ARL8A: variants seen among roughly 807,000 people sequenced by gnomAD.
ARL8A encodes the protein ADP-ribosylation factor-like protein 8A.
In ARL8A, 10 loss-of-function variants were observed where a neutral mutation model predicts 31.2. The ratio of observed to expected loss-of-function variants is 0.32; its 90% CI spans 0.20 to 0.54. The LOEUF (loss-of-function observed/expected upper bound fraction) is 0.54. ARL8A is among the 20% of genes least tolerant of loss of function. The pLI is 0.93. For synonymous variants in ARL8A, 70 were observed against 86.9 expected (o/e 0.81, Z 1.08); for missense variants, 129 against 242.8 (o/e 0.53, Z 3.12).
chr1:202,135,359 A>C lies in ARL8A; in HGVS notation c.440+100T>G. On this transcript the variant is annotated intron_variant, in intron 5 of 6. Coordinates refer to ENST00000272217, the MANE Select transcript of ARL8A (RefSeq NM_138795.4). This position sits in a 1 kb window ranked among gnomAD's most constrained non-coding sequence, Gnocchi z 5.3. ...GCCTGAAAAGGTCGGCTCTGCTGCC[A>C]CCGTGTGGCTAATACTAAGAACAGC... 1 of 1,510,384 alleles carries C rather than the reference A, an allele frequency of 6.6e-7. No homozygotes were observed. The highest frequency in any genetic ancestry group is 9.2e-7 in the Non-Finnish European group (1 of 1,086,524). The allele number at this position is 1,510,384 out of a possible 1,614,324, so 93.6% of individuals were successfully genotyped here. A position where few individuals can be genotyped will look rare whatever the true frequency, so the allele number is the denominator to read the frequency against.
At chr1:202,137,924 C>T (rs751142909) in intron 3 of ARL8A, 41 bp downstream of exon 3, 17 of 1,609,942 alleles carry the variant, frequency 1.1e-5, no homozygotes, top group East Asian at 4.5e-5. Flanking sequence ...CTAGGGGGGC[C>T]GGGTAAGGCT....
rs1341835517 is a variant in ARL8A at position 202,135,445 on chromosome 1, G to A, written c.440+14C>T. On this transcript the variant is annotated intron_variant, in intron 5 of 6. Coordinates refer to ENST00000272217, the MANE Select transcript of ARL8A (RefSeq NM_138795.4). The surrounding 1 kb of genome is among the most constrained non-coding windows in gnomAD (Gnocchi z 5.3). ...TTGGGAGAGCAGAAAGTAATATAGA[G>A]TCACCCAACTCACATTTTCTCAATC... The A allele has an allele frequency of 3.1e-6, 5 of 1,612,992 alleles. No homozygotes were observed. The highest frequency in any genetic ancestry group is 2.5e-6 in the Non-Finnish European group (3 of 1,179,104).
chr1:202,144,511 A>G lies in ARL8A; in HGVS notation c.62T>C (p.Met21Thr). The G allele has an allele frequency of 1.3e-6, 2 of 1,485,414 alleles. No individual in the cohort carries two copies. Among genetic ancestry groups the G allele is most frequent in the Non-Finnish European group, 9.1e-7 (1 of 1,100,178 alleles). 92.0% of individuals were successfully genotyped at this position (1,485,414 alleles called of 1,614,324 possible). A position where few individuals can be genotyped will look rare whatever the true frequency, so the allele number is the denominator to read the frequency against. ...WFKALFWKEE[M>T]ELTLVGLQYS... ...CTGAAGCCCGACCAGCGTGAGCTCCATCTCCTCCTTCCAGAATAGGGCCTT... is the reference window on the plus strand; with the variant it reads ...CTGAAGCCCGACCAGCGTGAGCTCCGTCTCCTCCTTCCAGAATAGGGCCTT... The change falls in exon 1 of 7, where the codon ATG becomes ACG. Residue 21 changes from methionine to threonine, a missense_variant. Coordinates refer to ENST00000272217, the MANE Select transcript of ARL8A (RefSeq NM_138795.4). The surrounding 1 kb of genome is among the most constrained non-coding windows in gnomAD (Gnocchi z 5.2).
rs1654950401 is a variant in ARL8A, at chr1:202,134,491, T to C, written c.537A>G (p.Gln179=). Residue 179 remains glutamine (Q), a synonymous_variant, in exon 7 of 7, where the codon CAA becomes CAG. Coordinates refer to ENST00000272217, the MANE Select transcript of ARL8A (RefSeq NM_138795.4). This position sits in a 1 kb window ranked among gnomAD's most constrained non-coding sequence, Gnocchi z 4.2. The part of the protein sequence containing the change: ...NIDITLQWLI[Q]HSKSRRS ...CTCAGCTTCTCCGTGACTTCGAGTG[T>C]TGAATAAGCCACTGTAGGGTGATGT... The C allele has an allele frequency of 1.2e-6, 2 of 1,613,388 alleles. No individual in the cohort carries two copies. The highest frequency in any genetic ancestry group is 1.3e-5 in the African/African-American group (1 of 74,812).
chr1:202,142,069 T>C (rs1310649157), intron 1 of ARL8A, among the ~76,000 whole-genome samples: 1 of 152,324 alleles, frequency 6.6e-6, no homozygotes, highest in East Asian at 1.9e-4. Context: ...GGTTTCACCA[T>C]GTTGGCCAGG....
rs760370300 is a variant in ARL8A, at chr1:202,138,152, C to G, written c.205-114G>C. ...TACTCTCCTCTGCCTCCCCGGCTTC[C>G]TCTCCAGTTCTCCCCCGTCTCCACC... On this transcript the variant is annotated intron_variant, in intron 2 of 6. Transcript: ENST00000272217. This position sits in a 1 kb window ranked among gnomAD's most constrained non-coding sequence, Gnocchi z 4.4. 7.1e-6 allele frequency: 9 copies of G among 1,268,944 alleles called. No individual in the cohort carries two copies. The Admixed American group carries it at 9.5e-5, about 13-fold the overall frequency. The allele number at this position is 1,268,944 out of a possible 1,614,324, so 78.6% of individuals were successfully genotyped here. A position where few individuals can be genotyped will look rare whatever the true frequency, so the allele number is the denominator to read the frequency against.
At position 202,135,317 on chromosome 1, in the gene ARL8A, A is replaced by G. The variant is rs1405575932; in HGVS notation, c.441-97T>C. ...GCCTTTTTCTTACCTAAGAGGCTAC[A>G]AAGGGGAGGGTGAGGTGCCTGAAAA... is the stretch of plus-strand genomic sequence containing the variant. On this transcript the variant is annotated intron_variant, in intron 5 of 6. Coordinates refer to ENST00000272217, the MANE Select transcript of ARL8A (RefSeq NM_138795.4). This position sits in a 1 kb window ranked among gnomAD's most constrained non-coding sequence, Gnocchi z 5.3. 2.7e-6 allele frequency: 4 copies of G among 1,463,714 alleles called. No homozygotes were observed. Among genetic ancestry groups the G allele is most frequent in the African/African-American group, 2.8e-5 (2 of 71,474 alleles). The allele number at this position is 1,463,714 out of a possible 1,614,324, so 90.7% of individuals were successfully genotyped here.
intron 1 of ARL8A, among the ~76,000 whole-genome samples, chr1:202,143,016 A>G (rs1405878914): frequency 1.3e-5 from 2 of 152,038 alleles, no homozygotes; most frequent in Admixed American, 6.5e-5. Flanking sequence ...AAGTTTAACC[A>G]GAGGGTCTCT....
At chr1:202,139,912 C>T (rs138498127) in intron 1 of ARL8A, among the ~76,000 whole-genome samples, 1,846 of 151,842 alleles carry the variant, frequency 0.012, 38 homozygotes, top group African/African-American at 0.043. Context: ...CCTCCCAAAG[C>T]GCTGGGATTA....
At position 202,137,945 on chromosome 1, in the gene ARL8A, G is replaced by A. The variant is rs780513164; in HGVS notation, c.278+20C>T. 25 of 1,613,748 alleles carry A rather than the reference G, an allele frequency of 1.5e-5. No homozygotes were observed. The highest frequency in any genetic ancestry group is 6.7e-5 in the Admixed American group (4 of 60,000). On this transcript the variant is annotated intron_variant, in intron 3 of 6. Coordinates refer to ENST00000272217, the MANE Select transcript of ARL8A (RefSeq NM_138795.4). The stretch of plus-strand genomic sequence containing the variant: ...GGGCCGGGTAAGGCTGGAGTCTGGC[G>A]ATGCCTCCCGTGTACTTACACGATG...
chr1:202,140,086 T>C (rs976314113), intron 1 of ARL8A, among the ~76,000 whole-genome samples: 1 of 151,900 alleles, frequency 6.6e-6, no homozygotes, highest in African/African-American at 2.4e-5. Flanking sequence ...TGCCTCCATG[T>C]CCACATGAAG....
At chr1:202,137,885 C>T (rs915199323) in intron 3 of ARL8A, 80 bp downstream of exon 3, 13 of 1,463,238 alleles carry the variant, frequency 8.9e-6, no homozygotes, top group African/African-American at 1.4e-5. Context: ...TAAAACCCTG[C>T]GCCTCTGAGG....
At position 202,135,831 on chromosome 1, in the gene ARL8A, T is replaced by G; in HGVS notation, c.279-31A>C. The stretch of plus-strand genomic sequence containing the variant: ...GAAAGAGGCAGGGTGGGGACAAGCA[T>G]GTTGACACCACAGGCTGAGGTGGTG... On this transcript the variant is annotated intron_variant, in intron 3 of 6. Transcript: ENST00000272217. The surrounding 1 kb of genome is among the most constrained non-coding windows in gnomAD (Gnocchi z 5.3). 8.3e-6 allele frequency: 13 copies of G among 1,564,114 alleles called. No individual in the cohort carries two copies. The highest frequency in any genetic ancestry group is 1.1e-5 in the Non-Finnish European group (13 of 1,134,620).
At chr1:202,140,762 T>A (rs1655145538) in intron 1 of ARL8A, among the ~76,000 whole-genome samples, 1 of 152,164 alleles carries the variant, frequency 6.6e-6, no homozygotes, top group African/African-American at 2.4e-5. Flanking sequence ...GAGAATTAAG[T>A]GTGCTGTAAT....
rs761964043 is a variant in ARL8A, at chr1:202,137,969, T to C, written c.274A>G (p.Ile92Val). ...WERYCRGVSA[I>V]VYMVDAADQE... ...CGATGCCTCCCGTGTACTTACACGA[T>C]GGCGCTCACTCCTCGGCAGTAGCGC... The change falls in exon 3 of 7, where the codon ATC becomes GTC. Residue 92 changes from isoleucine (I) to valine (V), a missense_variant. Coordinates refer to ENST00000272217, the MANE Select transcript of ARL8A (RefSeq NM_138795.4). 4.3e-6 allele frequency: 7 copies of C among 1,614,024 alleles called. No individual in the cohort carries two copies. Among genetic ancestry groups the C allele is most frequent in the Non-Finnish European group, 5.9e-6 (7 of 1,180,034 alleles).
Position 202,138,318 on chromosome 1 carries a change from CACACACACAA to C in ARL8A, c.204+40_204+49del. On this transcript the variant is annotated intron_variant, in intron 2 of 6. Coordinates refer to ENST00000272217, the MANE Select transcript of ARL8A (RefSeq NM_138795.4). The surrounding 1 kb of genome is among the most constrained non-coding windows in gnomAD (Gnocchi z 4.4). ...CAACACACACACACACACACACACA[CACACACACAA>C]AAACAGTCCTCTGCACCCCCCAAGC... The C allele has an allele frequency of 6.5e-7, 1 of 1,538,750 alleles. No homozygotes were observed. Among genetic ancestry groups the C allele is most frequent in the Non-Finnish European group, 9.0e-7 (1 of 1,112,972 alleles).
chr1:202,137,669 A>G (rs16849710), intron 3 of ARL8A, among the ~76,000 whole-genome samples: 73,445 of 151,636 alleles, frequency 0.48, 18,103 homozygotes, highest in South Asian at 0.52. Context: ...ACAAAATTCA[A>G]GACAGTGGTG....
Position 202,135,130 on chromosome 1 carries a change from C to G in ARL8A, c.511+20G>C. The G allele has an allele frequency of 6.2e-7, 1 of 1,609,676 alleles. No individual in the cohort carries two copies. The highest frequency in any genetic ancestry group is 2.2e-5 in the East Asian group (1 of 44,868). On this transcript the variant is annotated intron_variant, in intron 6 of 6. Transcript: ENST00000272217. This position sits in a 1 kb window ranked among gnomAD's most constrained non-coding sequence, Gnocchi z 5.3. Reference sequence around the variant, plus strand: ...CAGAAATGCCTCTCCCCTCTCCTCCCTTTCCCCCATCCTACGCACCAATGT... The same window carrying G: ...CAGAAATGCCTCTCCCCTCTCCTCCGTTTCCCCCATCCTACGCACCAATGT...
chr1:202,144,217 C>G lies in ARL8A; in HGVS notation c.123+233G>C, dbSNP rs750136598. Among the ~76,000 whole-genome samples, 4 of 152,106 alleles carry G rather than the reference C, an allele frequency of 2.6e-5. No individual in the cohort carries two copies. Among genetic ancestry groups the G allele is most frequent in the Non-Finnish European group, 4.4e-5 (3 of 67,986 alleles). On this transcript the variant is annotated intron_variant, in intron 1 of 6. Coordinates refer to ENST00000272217, the MANE Select transcript of ARL8A (RefSeq NM_138795.4). This position sits in a 1 kb window ranked among gnomAD's most constrained non-coding sequence, Gnocchi z 5.2. Reference sequence around the variant, plus strand: ...TCTGTTCGTCCCCCTTCCCCTGCCCCCAGCCGTGCAGTACCGGCCCGGGTG... The same window carrying G: ...TCTGTTCGTCCCCCTTCCCCTGCCCGCAGCCGTGCAGTACCGGCCCGGGTG...
Sources: allele counts gnomAD v4.1 joint callset (sites outside exome capture counted in the v4.1 genomes callset), GRCh38; gene constraint gnomAD v4.1.1; non-coding constraint Gnocchi (gnomAD v3.1); transcripts MANE v1.5; gene names NCBI Gene and HGNC (gene_info 2026-07-23, HGNC 2026-07-21).